The following DPP10 variants were observed in gnomAD, a reference collection of about 807,000 sequenced individuals.
DPP10 encodes dipeptidyl peptidase like 10, also known as inactive dipeptidyl peptidase 10.
Under a neutral mutation model 120.9 loss-of-function variants are expected in DPP10, and 33 were observed. The ratio of observed to expected loss-of-function variants is 0.27; its 90% confidence interval spans 0.21 to 0.37. The LOEUF (loss-of-function observed/expected upper bound fraction) is 0.37. DPP10 is among the 10% of genes least tolerant of loss of function. The pLI is 1.00. For missense variants in DPP10, 816 were observed against 942.8 expected, an observed-to-expected ratio of 0.87 and a Z score of 1.76; for synonymous variants, 337 against 326.1, an observed-to-expected ratio of 1.03 and a Z score of -0.36.
chr2:114,820,892 A>T (rs1679238845), intron 1 of DPP10, among the ~76,000 whole-genome samples: 1 of 152,174 alleles, frequency 6.6e-6, no homozygotes, highest in South Asian at 2.1e-4. Context: ...TTTCAAAATG[A>T]TATGTCTCCG....
At chr2:115,772,969 C>G (rs1311334584) in intron 13 of DPP10, among the ~76,000 whole-genome samples, 1 of 151,974 alleles carries the variant, frequency 6.6e-6, no homozygotes, top group African/African-American at 2.4e-5. Flanking sequence ...GAAGTTTTGC[C>G]CATGAGAGCT....
At chr2:115,603,570 G>GTTTTTTTTTTTTTTT (rs61548055) in intron 5 of DPP10, among the ~76,000 whole-genome samples, 9 of 99,290 alleles carry the variant, frequency 9.1e-5, no homozygotes, top group South Asian at 3.7e-4. Context: ...GTTTTTTTTT[G>GTTTTTTTTTTTTTTT]TTTTTTTTTT....
chr2:115,005,913 T>A (rs2105042681), intron 1 of DPP10, among the ~76,000 whole-genome samples: 1 of 152,162 alleles, frequency 6.6e-6, no homozygotes, highest in Admixed American at 6.5e-5. Context: ...GACACATAAT[T>A]GTCAGATTCA....
intron 1 of DPP10, among the ~76,000 whole-genome samples, chr2:114,635,564 T>G (rs1695244988): frequency 6.6e-6 from 1 of 151,920 alleles, no homozygotes; most frequent in Non-Finnish European, 1.5e-5. Flanking sequence ...TCAATCGTTT[T>G]TTTCTGACAT....
At chr2:114,633,321 G>A (rs1695086784) in intron 1 of DPP10, among the ~76,000 whole-genome samples, 1 of 137,248 alleles carries the variant, frequency 7.3e-6, no homozygotes, top group African/African-American at 2.9e-5. Flanking sequence ...GCACGATCTC[G>A]GTTCACTGCA....
intron 1 of DPP10, among the ~76,000 whole-genome samples, chr2:114,869,116 G>A (rs1055143733): frequency 5.9e-5 from 9 of 152,098 alleles, no homozygotes; most frequent in Non-Finnish European, 1.2e-4. Context: ...GGGCTTCAGA[G>A]CAACACTGTA....
chr2:115,809,457 CATAG>C (rs1686380040), intron 19 of DPP10, among the ~76,000 whole-genome samples: 1 of 152,254 alleles, frequency 6.6e-6, no homozygotes, highest in East Asian at 1.9e-4. Flanking sequence ...AAAATGGAAG[CATAG>C]ATAGTTGATT....
intron 1 of DPP10, among the ~76,000 whole-genome samples, chr2:114,587,078 A>G (rs548659871): frequency 6.6e-6 from 1 of 151,946 alleles, no homozygotes; most frequent in African/African-American, 2.4e-5. Context: ...CGGGCAGATC[A>G]CGAGGTCAGG....
intron 1 of DPP10, among the ~76,000 whole-genome samples, chr2:114,621,517 G>T (rs954724523): frequency 6.6e-6 from 1 of 152,014 alleles, no homozygotes; most frequent in Non-Finnish European, 1.5e-5. Context: ...ATTCCCCAAA[G>T]TCTAACCTCT....
Position 115,800,217 on chromosome 2 carries a change from G to T in DPP10, c.1700+8861G>T, listed in dbSNP as rs562652653. Among the ~76,000 whole-genome samples the T allele has an allele frequency of 8.5e-3, 1,294 of 151,804 alleles. 18 individuals carry two copies. Among genetic ancestry groups the T allele is most frequent in the African/African-American group, 0.03 (1,244 of 41,180 alleles). On this transcript the variant is annotated intron_variant, in intron 19 of 25. Coordinates refer to ENST00000410059, the MANE Select transcript of DPP10 (RefSeq NM_020868.6). ...TGAGCATTTTTTCATGTGTCTTTTGGCTGCATAAATGTCTTTTTTTGAGAA... is the reference window on the plus strand; with the variant it reads ...TGAGCATTTTTTCATGTGTCTTTTGTCTGCATAAATGTCTTTTTTTGAGAA...
chr2:115,290,956 G>T (rs758566344), intron 1 of DPP10, among the ~76,000 whole-genome samples: 2 of 152,056 alleles, frequency 1.3e-5, no homozygotes, highest in Non-Finnish European at 2.9e-5. Flanking sequence ...TACATACAAA[G>T]AATGGGCTAG....
At chr2:115,476,384 T>A (rs531578513) in intron 3 of DPP10, among the ~76,000 whole-genome samples, 17 of 152,216 alleles carry the variant, frequency 1.1e-4, no homozygotes, top group African/African-American at 3.9e-4. Context: ...TCTCCAAAAG[T>A]AGAAGCCACT....
intron 1 of DPP10, among the ~76,000 whole-genome samples, chr2:114,566,907 A>G (rs1425415767): frequency 2.0e-5 from 3 of 152,214 alleles, no homozygotes; most frequent in Admixed American, 6.5e-5. Context: ...CTGCCCTGGC[A>G]TTATCATGGC....
At chr2:114,760,207 C>G (rs1461304370) in intron 1 of DPP10, among the ~76,000 whole-genome samples, 1 of 152,160 alleles carries the variant, frequency 6.6e-6, no homozygotes, top group Admixed American at 6.5e-5. Context: ...CTAATAGTCC[C>G]CAGCAGCTAT....
At chr2:114,753,623 A>T (rs1679439455) in intron 1 of DPP10, among the ~76,000 whole-genome samples, 1 of 152,126 alleles carries the variant, frequency 6.6e-6, no homozygotes, top group African/African-American at 2.4e-5. Flanking sequence ...AGAAATATGA[A>T]AATGGGCTGG....
At chr2:115,482,808 T>G (rs1389050011) in intron 3 of DPP10, among the ~76,000 whole-genome samples, 1 of 152,028 alleles carries the variant, frequency 6.6e-6, no homozygotes, top group African/African-American at 2.4e-5. Context: ...CTTCCTTTCA[T>G]CATAGCCTTA....
chr2:115,184,376 A>G (rs1388993101), intron 1 of DPP10, among the ~76,000 whole-genome samples: 1 of 152,202 alleles, frequency 6.6e-6, no homozygotes, highest in Non-Finnish European at 1.5e-5. Flanking sequence ...GGTCATTTCA[A>G]ATAGAAGGGG....
At chr2:115,686,178 C>G (rs2090978272) in intron 5 of DPP10, among the ~76,000 whole-genome samples, 1 of 151,928 alleles carries the variant, frequency 6.6e-6, no homozygotes, top group Non-Finnish European at 1.5e-5. Context: ...GGTCATGTTC[C>G]TGTTTAAAAT....
intron 1 of DPP10, chr2:115,233,906 T>C (rs2057866599): frequency 3.9e-5 from 20 of 516,428 alleles, no homozygotes; most frequent in South Asian, 2.7e-4. Flanking sequence ...TTAGCCCTTC[T>C]TCTGCCCAGT....
Sources: allele counts gnomAD v4.1 joint callset (sites outside exome capture counted in the v4.1 genomes callset), GRCh38; gene constraint gnomAD v4.1.1; transcripts MANE v1.5; gene names NCBI Gene and HGNC (gene_info 2026-07-23, HGNC 2026-07-21).